The following DDX50 variants were observed in gnomAD, a reference collection of about 807,000 sequenced individuals.
DDX50 encodes the protein ATP-dependent RNA helicase DDX50.
In DDX50, 56 loss-of-function variants were observed where a neutral mutation model predicts 94.8. That is an observed-to-expected ratio of 0.59 (90% CI 0.48 to 0.74). DDX50 has a LOEUF of 0.74. Ranked by LOEUF, DDX50 falls within the 30% of genes least tolerant of loss-of-function variation. DDX50 has a pLI of 0.00. For synonymous variants in DDX50, 264 were observed against 295.4 expected (o/e 0.89, Z 1.09); for missense variants, 713 against 881.2 (o/e 0.81, Z 2.42).
At chr10:68,920,023 G>T (rs1841900244) in intron 8 of DDX50, 42 bp downstream of exon 8, 1 of 1,608,404 alleles carries the variant, frequency 6.2e-7, no homozygotes, top group Non-Finnish European at 8.5e-7. Context: ...AAATTATGGG[G>T]ATGAATCACT....
rs1023343305 is a variant in DDX50, at chr10:68,937,173, G to T, written c.1755+78G>T. Reference sequence around the variant, plus strand: ...ATAGGAAATATTGTAGTGAATTATTGTGCTTTTTGTGCAGAAAAAAACTGT... The same window carrying T: ...ATAGGAAATATTGTAGTGAATTATTTTGCTTTTTGTGCAGAAAAAAACTGT... On this transcript the variant is annotated intron_variant, in intron 12 of 14. Transcript: ENST00000373585. The T allele has an allele frequency of 6.6e-6, 9 of 1,370,566 alleles. No homozygotes were observed. In the African/African-American group the frequency reaches 7.3e-5, roughly 11 times the overall value. 84.9% of individuals were successfully genotyped at this position (1,370,566 alleles called of 1,614,324 possible). A position where few individuals can be genotyped will look rare whatever the true frequency, so the allele number is the denominator to read the frequency against.
chr10:68,940,604 A>G (rs567088417), intron 12 of DDX50, among the ~76,000 whole-genome samples: 5 of 151,508 alleles, frequency 3.3e-5, no homozygotes, highest in African/African-American at 9.7e-5. Context: ...TTTTGTAGCA[A>G]TGGTTATTTC....
intron 8 of DDX50, among the ~76,000 whole-genome samples, chr10:68,933,214 GC>G (rs1842319139): frequency 6.6e-6 from 1 of 152,020 alleles, no homozygotes; most frequent in Non-Finnish European, 1.5e-5. Flanking sequence ...AATTACAGGT[GC>G]CTGTCACTGC....
In DDX50 at chr10:68,906,748, A is replaced by C; in HGVS notation, c.125A>C (p.Asp42Ala). 6.2e-7 allele frequency: 1 copy of C among 1,612,244 alleles called. No individual in the cohort carries two copies. The highest frequency in any genetic ancestry group is 1.3e-5 in the African/African-American group (1 of 74,878). The change falls in exon 2 of 15, where the codon GAT becomes GCT. Residue 42 changes from aspartate to alanine, a missense_variant. Physicochemically the swap from Asp to Ala is moderately radical, Grantham distance 126 (BLOSUM62 -2). Transcript: ENST00000373585. ...RRKSRHHYDS[D>A]EKSETRENGV... ...AAGTCAAGGCACCATTATGACTCGG[A>C]TGAGAAATCAGAAACAAGAGAAAAT...
intron 8 of DDX50, among the ~76,000 whole-genome samples, chr10:68,933,984 A>G (rs1040290479): frequency 1.3e-5 from 2 of 151,806 alleles, no homozygotes; most frequent in African/African-American, 2.4e-5. Flanking sequence ...TTAGCAGTGA[A>G]TTATTTCTAA....
At chr10:68,933,205 A>G (rs1218127783) in intron 8 of DDX50, among the ~76,000 whole-genome samples, 1 of 152,126 alleles carries the variant, frequency 6.6e-6, no homozygotes, top group East Asian at 1.9e-4. Context: ...AGTAGCTGGA[A>G]TTACAGGTGC....
chr10:68,919,265 T>C (rs895393609), intron 7 of DDX50, among the ~76,000 whole-genome samples: 1 of 152,250 alleles, frequency 6.6e-6, no homozygotes, highest in African/African-American at 2.4e-5. Context: ...CATAATGTTT[T>C]TGAGGTTCAT....
chr10:68,908,105 C>T (rs965248868), intron 2 of DDX50, among the ~76,000 whole-genome samples: 7 of 152,118 alleles, frequency 4.6e-5, no homozygotes, highest in Non-Finnish European at 8.8e-5. Flanking sequence ...TAATAGAATA[C>T]AGCTATCCCA....
chr10:68,939,663 G>C (rs908489853), intron 12 of DDX50, among the ~76,000 whole-genome samples: 2 of 152,042 alleles, frequency 1.3e-5, no homozygotes, highest in Admixed American at 6.6e-5. Context: ...TAACCATGTT[G>C]CTTCCTCCTT....
In DDX50 at chr10:68,910,171, A is replaced by G. The variant is rs887649117; in HGVS notation, c.385-136A>G. The G allele has an allele frequency of 2.1e-4, 157 of 735,884 alleles. 1 individual carries two copies. In the East Asian group the frequency reaches 4.4e-3, roughly 21 times the overall value. 45.6% of individuals were successfully genotyped at this position (735,884 alleles called of 1,614,324 possible). On this transcript the variant is annotated intron_variant, in intron 2 of 14. Transcript: ENST00000373585. ...CACTGCACTCCAACCTGGGCAACAG[A>G]GTGGGACCCTGTTTCAAAAAAAAAA... is the stretch of plus-strand genomic sequence containing the variant.
chr10:68,908,495 A>G (rs1202103151), intron 2 of DDX50, among the ~76,000 whole-genome samples: 1 of 151,028 alleles, frequency 6.6e-6, no homozygotes, highest in Non-Finnish European at 1.5e-5. Flanking sequence ...TGGTATATAC[A>G]GTGTGATTTT....
At chr10:68,930,524 A>G (rs1426759430) in intron 8 of DDX50, among the ~76,000 whole-genome samples, 1 of 151,294 alleles carries the variant, frequency 6.6e-6, no homozygotes, top group Non-Finnish European at 1.5e-5. Context: ...ATGTCCTTCC[A>G]ATTTCATCAA....
rs1258314928 is a variant in DDX50, at chr10:68,936,977, G to A, written c.1637G>A (p.Arg546Gln). The change falls in exon 12 of 15, where the codon CGA (arginine) becomes CAA (glutamine). Residue 546 changes from arginine (R) to glutamine (Q), a missense_variant. Transcript: ENST00000373585. ...TCTTACGCTGCTGTTGATTTTTTCC[G>A]ACCATCAGCTCAGAGACTGATAGAA... ...SVSYAAVDFF[R>Q]PSAQRLIEEK... 3.7e-6 allele frequency: 6 copies of A among 1,608,730 alleles called. No homozygotes were observed. Among genetic ancestry groups the A allele is most frequent in the Non-Finnish European group, 5.1e-6 (6 of 1,178,102 alleles).
At chr10:68,930,543 T>C (rs1842236038) in intron 8 of DDX50, among the ~76,000 whole-genome samples, 1 of 117,130 alleles carries the variant, frequency 8.5e-6, no homozygotes, top group Admixed American at 9.7e-5. Flanking sequence ...AACTAATAGT[T>C]CTTGAATTCA....
In DDX50 at chr10:68,913,480, A is replaced by G. The variant is rs1199678502; in HGVS notation, c.847A>G (p.Lys283Glu). The G allele has an allele frequency of 6.2e-7, 1 of 1,614,050 alleles. No individual in the cohort carries two copies. The highest frequency in any genetic ancestry group is 8.5e-7 in the Non-Finnish European group (1 of 1,180,026). ...GCAGAGTGGCCGATTGGATCTTTCT[A>G]AACTGCGACATGTTGTGCTTGATGA... Reference protein sequence around the residue: ...HLQSGRLDLSKLRHVVLDEVD... With the variant: ...HLQSGRLDLSELRHVVLDEVD... The change falls in exon 6 of 15, where the codon AAA becomes GAA. Residue 283 changes from lysine (K) to glutamate (E), a missense_variant. Around this residue, in one of 2 missense-constraint regions of DDX50, gnomAD observed 428 missense variants for 602.3 expected, o/e 0.71. Transcript: ENST00000373585.
At chr10:68,917,360 T>G (rs1841825834) in intron 7 of DDX50, among the ~76,000 whole-genome samples, 1 of 152,018 alleles carries the variant, frequency 6.6e-6, no homozygotes, top group Non-Finnish European at 1.5e-5. Flanking sequence ...CTTGGGAGGC[T>G]GAGAAAGAAG....
chr10:68,905,882 C>T (rs1841431746), intron 1 of DDX50, among the ~76,000 whole-genome samples: 1 of 152,176 alleles, frequency 6.6e-6, no homozygotes, highest in South Asian at 2.1e-4. Flanking sequence ...CACTGCACTC[C>T]AGCCTGGGTG....
chr10:68,912,837 A>T (rs1841671279), intron 4 of DDX50, among the ~76,000 whole-genome samples: 2 of 152,178 alleles, frequency 1.3e-5, no homozygotes, highest in Non-Finnish European at 2.9e-5. Flanking sequence ...TGGAGCTTAC[A>T]TTTTATTGGG....
chr10:68,943,698 C>T (rs1448169278), intron 14 of DDX50, among the ~76,000 whole-genome samples: 1 of 152,110 alleles, frequency 6.6e-6, no homozygotes, highest in African/African-American at 2.4e-5. Context: ...TCCCAAAGTG[C>T]TGGGATTACA....
Sources: allele counts gnomAD v4.1 joint callset (sites outside exome capture counted in the v4.1 genomes callset), GRCh38; gene constraint gnomAD v4.1.1; regional missense constraint gnomAD v4.1.1; transcripts MANE v1.5; gene names NCBI Gene and HGNC (gene_info 2026-07-23, HGNC 2026-07-21).